NPAS3: variants seen among roughly 807,000 people sequenced by gnomAD.
NPAS3 encodes the protein neuronal PAS domain-containing protein 3.
In NPAS3, 14 loss-of-function variants were observed where a neutral mutation model predicts 73.1. The ratio of observed to expected loss-of-function variants is 0.19; its 90% CI spans 0.13 to 0.30. NPAS3 has a LOEUF of 0.30. NPAS3 is among the 10% of genes least tolerant of loss of function. The pLI is 1.00. For synonymous variants in NPAS3, 620 were observed against 541.5 expected (o/e 1.14, Z -2.01); for missense variants, 1,096 against 1,250.0 (o/e 0.88, Z 1.86).
intron 1 of NPAS3, among the ~76,000 whole-genome samples, chr14:32,988,197 A>G (rs1385867995): frequency 3.3e-5 from 5 of 152,176 alleles, no homozygotes; most frequent in Non-Finnish European, 7.4e-5. Context: ...TCTCCATTAA[A>G]TTATGGTTTA....
At chr14:32,947,811 A>G (rs1345705769) in intron 1 of NPAS3, among the ~76,000 whole-genome samples, 3 of 151,584 alleles carry the variant, frequency 2.0e-5, no homozygotes, top group Admixed American at 6.6e-5. Context: ...TTTTTTGCAC[A>G]TTTTTATTGT....
upstream of NPAS3, among the ~76,000 whole-genome samples, chr14:32,938,526 G>GAGAGAGAGAGAGGGAGAGAGAA (rs2035800805): frequency 7.9e-5 from 2 of 25,390 alleles, no homozygotes; most frequent in Admixed American, 2.7e-4. Context: ...AGAGAGAGAA[G>GAGAGAGAGAGAGGGAGAGAGAA]GGGGGGGAGG....
chr14:33,423,075 C>T (rs1355711723), intron 4 of NPAS3, among the ~76,000 whole-genome samples: 1 of 151,990 alleles, frequency 6.6e-6, no homozygotes, highest in African/African-American at 2.4e-5. Context: ...CATTACCTGC[C>T]TCCTGTGTTT....
intron 1 of NPAS3, among the ~76,000 whole-genome samples, chr14:32,946,348 G>GCACACACACACACACACACA (rs3057257): frequency 2.7e-4 from 38 of 139,400 alleles, no homozygotes; most frequent in Non-Finnish European, 3.7e-4. Flanking sequence ...ACACACACGC[G>GCACACACACACACACACACA]CACACACACA....
At chr14:33,182,921 G>A (rs761564856) in intron 2 of NPAS3, among the ~76,000 whole-genome samples, 15 of 152,172 alleles carry the variant, frequency 9.9e-5, no homozygotes, top group South Asian at 6.2e-4. Context: ...CTGCCTTCAG[G>A]GAAATTCTTC....
intron 5 of NPAS3, among the ~76,000 whole-genome samples, chr14:33,643,808 T>A: frequency 6.6e-6 from 1 of 152,248 alleles, no homozygotes; most frequent in Non-Finnish European, 1.5e-5. Context: ...CTCTGCTGTC[T>A]GTAGAATTTT....
At chr14:32,962,208 G>A (rs555172712) in intron 1 of NPAS3, among the ~76,000 whole-genome samples, 1 of 152,290 alleles carries the variant, frequency 6.6e-6, no homozygotes, top group Admixed American at 6.5e-5. Flanking sequence ...TCTGCCTGTA[G>A]AGGAGGATGC....
intron 3 of NPAS3, among the ~76,000 whole-genome samples, chr14:33,307,897 T>G (rs1037016877): frequency 1.3e-5 from 2 of 152,140 alleles, no homozygotes; most frequent in African/African-American, 4.8e-5. Flanking sequence ...TTACGTTGTT[T>G]GGCAGCCTGA....
chr14:33,260,938 A>G (rs2048953799), intron 3 of NPAS3, among the ~76,000 whole-genome samples: 2 of 152,196 alleles, frequency 1.3e-5, no homozygotes, highest in Non-Finnish European at 2.9e-5. Context: ...AGTTTTCAAA[A>G]TATTTTGAAA....
At chr14:33,222,398 A>G (rs769016444) in intron 3 of NPAS3, among the ~76,000 whole-genome samples, 4 of 152,130 alleles carry the variant, frequency 2.6e-5, no homozygotes, top group Admixed American at 6.6e-5. Context: ...AAAATGCCAT[A>G]CTTCACAGTA....
intron 4 of NPAS3, among the ~76,000 whole-genome samples, chr14:33,400,931 C>CT (rs10709040): frequency 0.015 from 2,201 of 150,712 alleles, 26 homozygotes; most frequent in Non-Finnish European, 0.02. Flanking sequence ...TACTTTTTGT[C>CT]TTTTTTTTTT....
At chr14:33,371,183 TA>T (rs1183347213) in intron 4 of NPAS3, among the ~76,000 whole-genome samples, 6 of 152,116 alleles carry the variant, frequency 3.9e-5, no homozygotes, top group African/African-American at 1.4e-4. Context: ...GGAATAGTAA[TA>T]ATGTCAAGGT....
At chr14:33,192,764 ACT>A (rs1031034821) in intron 2 of NPAS3, among the ~76,000 whole-genome samples, 26 of 152,174 alleles carry the variant, frequency 1.7e-4, no homozygotes, top group African/African-American at 6.0e-4. Flanking sequence ...ATTGCTCTTC[ACT>A]CTTCACATGG....
chr14:32,966,045 T>C (rs2037141663), intron 1 of NPAS3, among the ~76,000 whole-genome samples: 5 of 152,082 alleles, frequency 3.3e-5, no homozygotes, highest in African/African-American at 1.2e-4. Flanking sequence ...TGAAATAAAT[T>C]GAAGAGGACA....
At chr14:33,088,431 C>T (rs1261412588) in intron 2 of NPAS3, among the ~76,000 whole-genome samples, 3 of 152,186 alleles carry the variant, frequency 2.0e-5, no homozygotes, top group Non-Finnish European at 2.9e-5. Flanking sequence ...CACAGAGCCT[C>T]GCTTATTGCT....
intron 6 of NPAS3, among the ~76,000 whole-genome samples, chr14:33,725,069 TA>T (rs1024319591): frequency 2.0e-5 from 3 of 152,128 alleles, no homozygotes; most frequent in Admixed American, 2.0e-4. Context: ...AAAATTTGTT[TA>T]AAAAAACTGA....
chr14:33,409,546 A>G, intron 4 of NPAS3, among the ~76,000 whole-genome samples: 1 of 152,172 alleles, frequency 6.6e-6, no homozygotes. Context: ...AGCTTAATAG[A>G]AAAAAATTCA....
intron 7 of NPAS3, among the ~76,000 whole-genome samples, chr14:33,763,578 A>G (rs1008031658): frequency 8.5e-5 from 13 of 152,168 alleles, no homozygotes; most frequent in African/African-American, 1.4e-4. Context: ...CACTTTCCCA[A>G]TGAAAAAATA....
intron 5 of NPAS3, among the ~76,000 whole-genome samples, chr14:33,591,342 A>G (rs2057057860): frequency 6.6e-6 from 1 of 152,146 alleles, no homozygotes; most frequent in Non-Finnish European, 1.5e-5. Context: ...AGCCTGCACA[A>G]GCTCCACACA....
Sources: gnomAD v4.1 joint callset for allele counts (sites outside exome capture counted in the v4.1 genomes callset) on GRCh38, gnomAD v4.1.1 for gene constraint, MANE v1.5 for transcripts, NCBI Gene and HGNC (gene_info 2026-07-23, HGNC 2026-07-21) for gene names.